DRC11: variants seen among roughly 807,000 people sequenced by gnomAD.
DRC11 encodes the protein dynein regulatory complex subunit 11, also known as IQ and AAA domain-containing protein 1.
chr2:236,441,049 G>C, the DRC11 span: 13 of 1,535,850 alleles, frequency 8.5e-6, no homozygotes, highest in Non-Finnish European at 1.2e-5. Flanking sequence ...CCTGTTGTAT[G>C]GTCTTGTCAG....
At chr2:236,360,785 T>A in the DRC11 span, among the ~76,000 whole-genome samples, 4 of 152,190 alleles carry the variant, frequency 2.6e-5, no homozygotes, top group African/African-American at 7.2e-5. This position sits in a 1 kb window ranked among gnomAD's most constrained non-coding sequence, Gnocchi z 5.8. Context: ...CCATTGAAAC[T>A]CTGGAGTAAA....
the DRC11 span, chr2:236,503,832 A>G: frequency 2.6e-6 from 2 of 783,060 alleles, no homozygotes; most frequent in Non-Finnish European, 4.3e-6. This position sits in a 1 kb window ranked among gnomAD's most constrained non-coding sequence, Gnocchi z 4.9. Flanking sequence ...CGCTCAGCCC[A>G]TCTGGCCTTG....
the DRC11 span, among the ~76,000 whole-genome samples, chr2:236,385,149 T>G: frequency 6.6e-6 from 1 of 151,910 alleles, no homozygotes; most frequent in Admixed American, 6.6e-5. Context: ...CGCGGGCTCT[T>G]TTTTGGTTCC....
At chr2:236,448,733 G>C in the DRC11 span, among the ~76,000 whole-genome samples, 1 of 152,236 alleles carries the variant, frequency 6.6e-6, no homozygotes, top group South Asian at 2.1e-4. This position sits in a 1 kb window ranked among gnomAD's most constrained non-coding sequence, Gnocchi z 5.3. Flanking sequence ...GCAGCTGTAA[G>C]GCAGCGGGAC....
At chr2:236,459,059 G>A in the DRC11 span, among the ~76,000 whole-genome samples, 1 of 151,812 alleles carries the variant, frequency 6.6e-6, no homozygotes, top group Non-Finnish European at 1.5e-5. Context: ...AACAAAAAAA[G>A]GCAAATGATA....
At chr2:236,426,183 A>G in the DRC11 span, among the ~76,000 whole-genome samples, 3 of 152,156 alleles carry the variant, frequency 2.0e-5, no homozygotes, top group Non-Finnish European at 4.4e-5. The surrounding 1 kb of genome is among the most constrained non-coding windows in gnomAD (Gnocchi z 4.1). Context: ...TGTCACTGAA[A>G]TTTTGATAGT....
the DRC11 span, among the ~76,000 whole-genome samples, chr2:236,487,226 AGTAAT>A: frequency 1.3e-5 from 2 of 152,214 alleles, no homozygotes. Flanking sequence ...AAATTTCCAA[AGTAAT>A]GTGGGGAAAT....
the DRC11 span, among the ~76,000 whole-genome samples, chr2:236,413,240 G>C: frequency 6.6e-6 from 1 of 152,186 alleles, no homozygotes; most frequent in Non-Finnish European, 1.5e-5. This position sits in a 1 kb window ranked among gnomAD's most constrained non-coding sequence, Gnocchi z 4.0. Flanking sequence ...CTTTTCCCCA[G>C]AGAATGTTCC....
chr2:236,366,970 C>T, the DRC11 span, among the ~76,000 whole-genome samples: 2 of 138,950 alleles, frequency 1.4e-5, no homozygotes, highest in Admixed American at 7.2e-5. Context: ...CCACCACACC[C>T]GGCTATTTTT....
At chr2:236,346,073 G>A in the DRC11 span, among the ~76,000 whole-genome samples, 1 of 152,174 alleles carries the variant, frequency 6.6e-6, no homozygotes, top group African/African-American at 2.4e-5. Flanking sequence ...CAACACACAC[G>A]GACATTCAGA....
the DRC11 span, among the ~76,000 whole-genome samples, chr2:236,336,965 C>T: frequency 2.0e-5 from 3 of 152,202 alleles, no homozygotes; most frequent in Non-Finnish European, 2.9e-5. This position sits in a 1 kb window ranked among gnomAD's most constrained non-coding sequence, Gnocchi z 7.3. Flanking sequence ...GCTCCAACTT[C>T]TTGAAACATG....
At chr2:236,367,233 T>C in the DRC11 span, among the ~76,000 whole-genome samples, 21 of 148,980 alleles carry the variant, frequency 1.4e-4, no homozygotes, top group African/African-American at 4.9e-4. This position sits in a 1 kb window ranked among gnomAD's most constrained non-coding sequence, Gnocchi z 4.8. Context: ...CAAATTATGT[T>C]GCCCCTCAAA....
chr2:236,311,697 CGTGTGTGT>C, the DRC11 span, among the ~76,000 whole-genome samples: 74 of 138,796 alleles, frequency 5.3e-4, no homozygotes, highest in African/African-American at 1.7e-3. The surrounding 1 kb of genome is among the most constrained non-coding windows in gnomAD (Gnocchi z 6.9). Context: ...GGATGGGGTG[CGTGTGTGT>C]GTGTGTGTGT....
the DRC11 span, among the ~76,000 whole-genome samples, chr2:236,333,959 G>A: frequency 2.0e-5 from 3 of 152,172 alleles, no homozygotes; most frequent in African/African-American, 4.8e-5. The surrounding 1 kb of genome is among the most constrained non-coding windows in gnomAD (Gnocchi z 6.0). Flanking sequence ...TAAACCCGCT[G>A]CTGCCCATTT....
At chr2:236,455,382 T>C in the DRC11 span, among the ~76,000 whole-genome samples, 7 of 152,214 alleles carry the variant, frequency 4.6e-5, no homozygotes, top group Non-Finnish European at 8.8e-5. The surrounding 1 kb of genome is among the most constrained non-coding windows in gnomAD (Gnocchi z 5.7). Flanking sequence ...GCTGTGCCCT[T>C]GCCTGGCAGG....
At chr2:236,343,378 CTGCA>C in the DRC11 span, among the ~76,000 whole-genome samples, 1 of 152,204 alleles carries the variant, frequency 6.6e-6, no homozygotes, top group East Asian at 1.9e-4. The surrounding 1 kb of genome is among the most constrained non-coding windows in gnomAD (Gnocchi z 6.6). Context: ...ATGCAGGGGG[CTGCA>C]TGAACTCAGA....
the DRC11 span, among the ~76,000 whole-genome samples, chr2:236,374,793 C>T: frequency 1.3e-5 from 2 of 151,652 alleles, no homozygotes; most frequent in South Asian, 2.1e-4. Context: ...CGGGTTCAAG[C>T]GATTCTCCTG....
chr2:236,450,444 C>T, the DRC11 span, among the ~76,000 whole-genome samples: 438 of 151,134 alleles, frequency 2.9e-3, no homozygotes, highest in Non-Finnish European at 4.8e-3. Context: ...GTCAGCCTCC[C>T]GAGTACCTGG....
chr2:236,416,727 A>ATATATATATATATATATTTT, the DRC11 span, among the ~76,000 whole-genome samples: 3 of 25,890 alleles, frequency 1.2e-4, no homozygotes, highest in Non-Finnish European at 2.3e-4. Flanking sequence ...ATATTTATAT[A>ATATATATATATATATATTTT]TATATATATA....
Sources: gnomAD v4.1 joint callset for allele counts (sites outside exome capture counted in the v4.1 genomes callset) on GRCh38, gnomAD v4.1.1 for gene constraint, Gnocchi (gnomAD v3.1) non-coding constraint, MANE v1.5 for transcripts, NCBI Gene and HGNC (gene_info 2026-07-23, HGNC 2026-07-21) for gene names.